Variants in FURIN observed in about 807,000 individuals in gnomAD.
The protein encoded by FURIN is FES upstream region.
Under a neutral mutation model 89.2 loss-of-function variants are expected in FURIN, and 18 were observed. The ratio of observed to expected loss-of-function variants is 0.20; its 90% CI spans 0.14 to 0.30. The LOEUF (loss-of-function observed/expected upper bound fraction) is 0.30. Among genes scored for constraint, FURIN ranks in the 10% least tolerant of loss-of-function variants. The pLI is 1.00. For missense variants in FURIN, 879 were observed against 1,100.5 expected (o/e 0.80, Z 2.85); for synonymous variants, 508 against 466.4 (o/e 1.09, Z -1.15).
rs1448200003 is a variant in FURIN, at chr15:90,877,711, A to G, written c.667+96A>G. The G allele has an allele frequency of 3.7e-6, 3 of 808,688 alleles. No homozygotes were observed. In the Admixed American group the frequency reaches 7.7e-5, roughly 21 times the overall value. 50.1% of individuals were successfully genotyped at this position (808,688 alleles called of 1,614,324 possible). ...TCTGGCCAATGCCTGCCACTTTCCC[A>G]CTGTGGATCCTTTGATCACGTGGCT... On this transcript the variant is annotated intron_variant, in intron 7 of 15. Coordinates refer to ENST00000268171, the MANE Select transcript of FURIN (RefSeq NM_002569.4).
At position 90,878,754 on chromosome 15, in the gene FURIN, C is replaced by T; in HGVS notation, c.841-10C>T. The stretch of plus-strand genomic sequence containing the variant: ...CAATCTTGAATGACCCCAGCCCACT[C>T]TGTCCACAGGGCCGAGGGGGGCTGG... On this transcript the variant is annotated splice_polypyrimidine_tract_variant and intron_variant, in intron 8 of 15. Transcript: ENST00000268171. 1 of 1,555,242 alleles carries T rather than the reference C, an allele frequency of 6.4e-7. No individual in the cohort carries two copies. Among genetic ancestry groups the T allele is most frequent in the Non-Finnish European group, 8.9e-7 (1 of 1,128,118 alleles).
chr15:90,877,340 G>C lies in FURIN; in HGVS notation c.578+129G>C, dbSNP rs376483565. ...TTTCCCACAGTCCTGGCCCACCTGG[G>C]GCTCTGAGGGAGGGCTCGGTCAGAG... On this transcript the variant is annotated intron_variant, in intron 6 of 15. Coordinates refer to ENST00000268171, the MANE Select transcript of FURIN (RefSeq NM_002569.4). 8.9e-4 allele frequency: 844 copies of C among 952,462 alleles called. 11 individuals carry two copies. In the South Asian group the frequency reaches 0.013, roughly 15 times the overall value. 59.0% of individuals were successfully genotyped at this position (952,462 alleles called of 1,614,324 possible). A position where few individuals can be genotyped will look rare whatever the true frequency, so the allele number is the denominator to read the frequency against.
At chr15:90,873,691 G>A (rs762616026) in intron 1 of FURIN, among the ~76,000 whole-genome samples, 23 of 152,140 alleles carry the variant, frequency 1.5e-4, no homozygotes, top group Non-Finnish European at 2.2e-4. Context: ...CCCAGCCATT[G>A]ATCAGGCCAG....
intron 1 of FURIN, among the ~76,000 whole-genome samples, chr15:90,873,570 GGCCCCGTTCCTATATGGCTCT>G (rs1228037142): frequency 1.3e-5 from 2 of 151,974 alleles, no homozygotes; most frequent in Admixed American, 1.3e-4. Context: ...AGAGAGATGA[GGCCCCGTTCCTATATGGCTCT>G]GCTCCCAGGG....
rs146865309 is a variant in FURIN at position 90,878,271 on chromosome 15, C to A, written c.807C>A (p.Leu269=). The A allele has an allele frequency of 6.2e-7, 1 of 1,606,692 alleles. No individual in the cohort carries two copies. Among genetic ancestry groups the A allele is most frequent in the East Asian group, 2.2e-5 (1 of 44,758 alleles). The change falls in exon 8 of 16, where the codon CTC becomes CTA. Residue 269 remains leucine, a synonymous_variant. Coordinates refer to ENST00000268171, the MANE Select transcript of FURIN (RefSeq NM_002569.4). ...AGACAGTGGATGGGCCAGCCCGCCT[C>A]GCCGAGGAGGCCTTCTTCCGTGGGG... ...DGKTVDGPAR[L]AEEAFFRGVS... is the part of the protein sequence containing the mutation.
chr15:90,882,053 C>G lies in FURIN; in HGVS notation c.*175C>G, dbSNP rs573997654. 3.3e-6 allele frequency: 2 copies of G among 599,094 alleles called. No individual in the cohort carries two copies. Among genetic ancestry groups the G allele is most frequent in the Admixed American group, 3.1e-5 (1 of 31,902 alleles). The allele number at this position is 599,094 out of a possible 1,614,324, so 37.1% of individuals were successfully genotyped here. A position where few individuals can be genotyped will look rare whatever the true frequency, so the allele number is the denominator to read the frequency against. Reference sequence around the variant, plus strand: ...TGGCCACCTGAGGTGGGCCCAGGACCAGCTGGGGCGTGGGGAGGGCCGTAC... The same window carrying G: ...TGGCCACCTGAGGTGGGCCCAGGACGAGCTGGGGCGTGGGGAGGGCCGTAC... On this transcript the variant is annotated 3_prime_UTR_variant, in exon 16 of 16. Transcript: ENST00000268171.
In FURIN at chr15:90,876,391, C is replaced by T. The variant is rs776173558; in HGVS notation, c.276+38C>T. 6.6e-7 allele frequency: 1 copy of T among 1,516,558 alleles called. No homozygotes were observed. The highest frequency in any genetic ancestry group is 1.4e-5 in the African/African-American group (1 of 72,958). 93.9% of individuals were successfully genotyped at this position (1,516,558 alleles called of 1,614,324 possible). The stretch of plus-strand genomic sequence containing the variant: ...CCAGCCCCCTCCTGCTGCCACCCTC[C>T]CCCTCCTGCTCTCAGGAGCCCCTCT... On this transcript the variant is annotated intron_variant, in intron 3 of 15. Coordinates refer to ENST00000268171, the MANE Select transcript of FURIN (RefSeq NM_002569.4). The surrounding 1 kb of genome is among the most constrained non-coding windows in gnomAD (Gnocchi z 5.0).
chr15:90,876,741 T>G lies in FURIN; in HGVS notation c.373-155T>G, dbSNP rs972198260. 6.6e-6 allele frequency among the ~76,000 whole-genome samples: 1 copy of G among 152,174 alleles called. No individual in the cohort carries two copies. Among genetic ancestry groups the G allele is most frequent in the Non-Finnish European group, 1.5e-5 (1 of 68,024 alleles). On this transcript the variant is annotated intron_variant, in intron 4 of 15. Coordinates refer to ENST00000268171, the MANE Select transcript of FURIN (RefSeq NM_002569.4). The surrounding 1 kb of genome is among the most constrained non-coding windows in gnomAD (Gnocchi z 5.0). ...TGGGGGTGGCCCTCCCAGAGTCCTC[T>G]ACATTCCCATGGAGTCCAGACAGCC...
intron 1 of FURIN, among the ~76,000 whole-genome samples, chr15:90,872,582 C>T (rs778724632): frequency 1.3e-5 from 2 of 152,156 alleles, no homozygotes; most frequent in African/African-American, 2.4e-5. Context: ...TGGGCTTCTA[C>T]GGAGCATTTG....
chr15:90,868,932 T>G (rs1235131814), intron 1 of FURIN, among the ~76,000 whole-genome samples: 2 of 152,146 alleles, frequency 1.3e-5, no homozygotes, highest in African/African-American at 4.8e-5. Flanking sequence ...TAGGTGTGGG[T>G]GCTGCTGCCG....
intron 1 of FURIN, among the ~76,000 whole-genome samples, chr15:90,869,764 G>A (rs899258538): frequency 2.0e-5 from 3 of 152,244 alleles, no homozygotes; most frequent in Non-Finnish European, 4.4e-5. Context: ...TCTCCAGGAT[G>A]GGTGGGGCAC....
At chr15:90,878,439 A>G (rs2031757073) in intron 8 of FURIN, 135 bp downstream of exon 8, 1 of 811,016 alleles carries the variant, frequency 1.2e-6, no homozygotes, top group South Asian at 1.8e-5. Flanking sequence ...ACATTAAGGG[A>G]CAGAAGAAGA....
chr15:90,880,032 C>G, intron 12 of FURIN, 48 bp downstream of exon 12: 4 of 1,603,622 alleles, frequency 2.5e-6, no homozygotes, highest in Non-Finnish European at 3.4e-6. Context: ...ACCTGAGAGT[C>G]GCAGGGGGTG....
At chr15:90,873,688 A>G (rs2031448938) in intron 1 of FURIN, among the ~76,000 whole-genome samples, 1 of 152,018 alleles carries the variant, frequency 6.6e-6, no homozygotes, top group African/African-American at 2.4e-5. Flanking sequence ...CTGCCCAGCC[A>G]TTGATCAGGC....
At chr15:90,879,589 C>T in intron 10 of FURIN, 45 bp downstream of exon 10, 1 of 1,547,040 alleles carries the variant, frequency 6.5e-7, no homozygotes, top group Non-Finnish European at 8.9e-7. Context: ...TACCAGCACT[C>T]TCTGTAGGGC....
Position 90,881,579 on chromosome 15 carries a change from C to G in FURIN, c.2086C>G (p.Pro696Ala). Residue 696 changes from proline (P) to alanine (A), a missense_variant, in exon 16 of 16, where the codon CCG becomes GCG. By Grantham distance (27) the Pro-to-Ala change is conservative. Around this residue, in one of 5 missense-constraint regions of FURIN, gnomAD observed 457 missense variants for 490.7 expected, o/e 0.93. Transcript: ENST00000268171. The surrounding 1 kb of genome is among the most constrained non-coding windows in gnomAD (Gnocchi z 4.3). The stretch of plus-strand genomic sequence containing the variant: ...ACAGCAGCAGCCACCTCGGCTGCCC[C>G]CGGAGGTGGAGGCGGGGCAACGGCT... ...PPQQQPPRLP[P>A]EVEAGQRLRA... 6.2e-7 allele frequency: 1 copy of G among 1,611,308 alleles called. No homozygotes were observed. The highest frequency in any genetic ancestry group is 8.5e-7 in the Non-Finnish European group (1 of 1,178,636).
Position 90,881,415 on chromosome 15 carries a change from GC to G in FURIN, c.1923del (p.Cys641TrpfsTer16). 6.2e-7 allele frequency: 1 copy of G among 1,612,586 alleles called. No homozygotes were observed. The highest frequency in any genetic ancestry group is 8.5e-7 in the Non-Finnish European group (1 of 1,179,928). On this transcript the variant is annotated frameshift_variant, in exon 16 of 16. Transcript: ENST00000268171. LOFTEE classifies it high-confidence loss of function. The surrounding 1 kb of genome is among the most constrained non-coding windows in gnomAD (Gnocchi z 4.3). ...GTGGAGACCATCCGGGCCAGCGTCT[GC>G]GCCCCCTGCCACGCCTCATGTGCCA... ...NDVETIRASVCAPCHASCATC... is the reference protein window; with the variant it reads ...NDVETIRASVXAPCHASCATC...
intron 1 of FURIN, among the ~76,000 whole-genome samples, chr15:90,871,984 C>G (rs957457645): frequency 3.5e-4 from 53 of 151,548 alleles, no homozygotes; most frequent in African/African-American, 1.3e-3. Flanking sequence ...CTGCGGGGCC[C>G]CTGCTGGGGG....
intron 7 of FURIN, 132 bp downstream of exon 7, chr15:90,877,747 G>T (rs2031716680): frequency 1.5e-6 from 1 of 680,170 alleles, no homozygotes; most frequent in Admixed American, 2.8e-5. Context: ...GTTCCATGGA[G>T]GGTTCCCAAA....
Sources: gnomAD v4.1 joint callset for allele counts (sites outside exome capture counted in the v4.1 genomes callset) on GRCh38, gnomAD v4.1.1 for gene constraint, gnomAD v4.1.1 regional missense constraint, Gnocchi (gnomAD v3.1) non-coding constraint, MANE v1.5 for transcripts, NCBI Gene and HGNC (gene_info 2026-07-23, HGNC 2026-07-21) for gene names.